SPOCK3: variants seen among roughly 807,000 people sequenced by gnomAD.
The protein encoded by SPOCK3 is SPARC (osteonectin), cwcv and kazal like domains proteoglycan 3.
In SPOCK3, 30 loss-of-function variants were observed where a neutral mutation model predicts 56.6. The ratio of observed to expected loss-of-function variants is 0.53; its 90% CI spans 0.40 to 0.72. The LOEUF (loss-of-function observed/expected upper bound fraction) is 0.72. SPOCK3 is among the 30% of genes least tolerant of loss of function. SPOCK3 has a pLI of 0.00. For synonymous variants in SPOCK3, 196 were observed against 183.3 expected (o/e 1.07, Z -0.56); for missense variants, 527 against 530.0 (o/e 0.99, Z 0.06).
intron 4 of SPOCK3, among the ~76,000 whole-genome samples, chr4:166,940,597 G>C (rs1444637969): frequency 6.6e-6 from 1 of 151,498 alleles, no homozygotes; most frequent in Non-Finnish European, 1.5e-5. Context: ...CTGACCCTTT[G>C]CTCATTGTAA....
In SPOCK3 at chr4:166,898,226, T is replaced by C. The variant is rs556582592; in HGVS notation, c.475-8982A>G. ...AAAAGAAAAAAAAATATTTTTCATG[T>C]CTGGACAGTAGGTTTGGCTCAAACT... On this transcript the variant is annotated intron_variant, in intron 5 of 10. Transcript: ENST00000357545. Among the ~76,000 whole-genome samples the C allele has an allele frequency of 1.2e-4, 19 of 152,146 alleles. 1 individual carries two copies. The highest frequency in any genetic ancestry group is 4.3e-4 in the African/African-American group (18 of 41,526).
chr4:167,229,314 C>T (rs1459579137), intron 2 of SPOCK3, among the ~76,000 whole-genome samples: 1 of 152,018 alleles, frequency 6.6e-6, no homozygotes, highest in African/African-American at 2.4e-5. Flanking sequence ...TAAGAGTATG[C>T]CTGTAACTCA....
intron 7 of SPOCK3, among the ~76,000 whole-genome samples, chr4:166,763,942 T>C (rs1022264211): frequency 8.5e-5 from 13 of 152,124 alleles, no homozygotes; most frequent in Non-Finnish European, 1.2e-4. Context: ...TATCTGCAGT[T>C]CCTTTCTTGG....
In SPOCK3 at chr4:167,011,740, A is replaced by G. The variant is rs751516159; in HGVS notation, c.236-11277T>C. Among the ~76,000 whole-genome samples the G allele has an allele frequency of 3.9e-5, 6 of 152,224 alleles. No homozygotes were observed. In the East Asian group the frequency reaches 7.7e-4, roughly 20 times the overall value. On this transcript the variant is annotated intron_variant, in intron 3 of 10. Transcript: ENST00000357545. ...ATGTGGCTTTCTAACAAATAAATAC[A>G]TAAAAGACCTATTGCTTTTATTGAA...
chr4:167,136,565 T>C (rs1412818490), intron 2 of SPOCK3, among the ~76,000 whole-genome samples: 1 of 152,150 alleles, frequency 6.6e-6, no homozygotes, highest in African/African-American at 2.4e-5. Context: ...AATAAAGATC[T>C]ATCAGTCAAA....
chr4:167,059,918 C>T (rs568216145), intron 3 of SPOCK3, among the ~76,000 whole-genome samples: 176 of 151,704 alleles, frequency 1.2e-3, no homozygotes, highest in African/African-American at 4.0e-3. Flanking sequence ...AACCAAACAC[C>T]GCATATTCTC....
rs1741516729 is a variant in SPOCK3 at position 166,793,022 on chromosome 4, T to G, written c.590-733A>C. Among the ~76,000 whole-genome samples the G allele has an allele frequency of 2.6e-5, 4 of 152,274 alleles. No individual in the cohort carries two copies. In the South Asian group the frequency reaches 8.3e-4, roughly 32 times the overall value. On this transcript the variant is annotated intron_variant, in intron 6 of 10. Coordinates refer to ENST00000357545, the MANE Select transcript of SPOCK3 (RefSeq NM_001040159.2). ...AATTAGCAGAATATGTGTGTGTGAC[T>G]GGCTTAAAATATAGCATTCAAATTT...
intron 5 of SPOCK3, among the ~76,000 whole-genome samples, chr4:166,905,198 TACC>T (rs1486906043): frequency 6.6e-6 from 1 of 152,090 alleles, no homozygotes; most frequent in African/African-American, 2.4e-5. Flanking sequence ...GAACTTCTAT[TACC>T]ACAACTAGTA....
chr4:167,093,743 G>T (rs753866288), intron 2 of SPOCK3, among the ~76,000 whole-genome samples: 1 of 152,162 alleles, frequency 6.6e-6, no homozygotes, highest in African/African-American at 2.4e-5. Context: ...AAACAGTGCT[G>T]CAATAAACAT....
chr4:167,161,145 C>T (rs1765268418), intron 2 of SPOCK3, among the ~76,000 whole-genome samples: 1 of 152,174 alleles, frequency 6.6e-6, no homozygotes, highest in Non-Finnish European at 1.5e-5. Context: ...ATCCACTCAT[C>T]TGACAAAGGG....
intron 7 of SPOCK3, among the ~76,000 whole-genome samples, chr4:166,780,444 G>T (rs868864002): frequency 9.2e-5 from 14 of 152,054 alleles, no homozygotes; most frequent in African/African-American, 3.4e-4. Flanking sequence ...AGGGACCCAA[G>T]AAACCACCTG....
chr4:166,852,706 C>T (rs1483365922), intron 6 of SPOCK3, among the ~76,000 whole-genome samples: 2 of 152,146 alleles, frequency 1.3e-5, no homozygotes, highest in African/African-American at 2.4e-5. Context: ...CTGCATGCAA[C>T]AAACCTTAAT....
chr4:166,923,060 A>G, intron 4 of SPOCK3, among the ~76,000 whole-genome samples: 1 of 152,220 alleles, frequency 6.6e-6, no homozygotes, highest in Non-Finnish European at 1.5e-5. Flanking sequence ...GACTGAAATC[A>G]AGGTGTTGGC....
intron 1 of SPOCK3, 30 bp downstream of exon 1, chr4:167,234,420 C>A (rs1355931614): frequency 3.5e-6 from 2 of 571,506 alleles, no homozygotes. Flanking sequence ...GCAGCCCGAG[C>A]GGGCACAAAA....
chr4:167,011,637 A>C (rs540452460), intron 3 of SPOCK3, among the ~76,000 whole-genome samples: 29 of 152,274 alleles, frequency 1.9e-4, no homozygotes, highest in African/African-American at 6.7e-4. Context: ...GAATTTGAGT[A>C]TGTCTTAGAA....
chr4:167,108,950 A>G (rs1289341902), intron 2 of SPOCK3, among the ~76,000 whole-genome samples: 1 of 100,068 alleles, frequency 1.0e-5, no homozygotes, highest in African/African-American at 4.5e-5. Context: ...TTTATATTAT[A>G]AATATTATAT....
chr4:166,884,278 G>C (rs1451295536), intron 6 of SPOCK3, among the ~76,000 whole-genome samples: 1 of 151,856 alleles, frequency 6.6e-6, no homozygotes, highest in Non-Finnish European at 1.5e-5. Context: ...GCGTGAACCC[G>C]GGAGGTGGAG....
intron 6 of SPOCK3, among the ~76,000 whole-genome samples, chr4:166,836,580 T>A (rs1746645372): frequency 6.6e-6 from 1 of 152,160 alleles, no homozygotes. Context: ...GTGAAGATTG[T>A]TTTTTGTGGC....
intron 3 of SPOCK3, among the ~76,000 whole-genome samples, chr4:167,016,021 T>C (rs974712666): frequency 1.3e-5 from 2 of 152,130 alleles, no homozygotes; most frequent in Admixed American, 6.6e-5. Flanking sequence ...ATTCAAAATG[T>C]TCAAAAAGTA....
Sources: allele counts gnomAD v4.1 joint callset (sites outside exome capture counted in the v4.1 genomes callset), GRCh38; gene constraint gnomAD v4.1.1; transcripts MANE v1.5; gene names NCBI Gene and HGNC (gene_info 2026-07-23, HGNC 2026-07-21).